The following KIF21B variants were observed in gnomAD, a reference collection of about 807,000 sequenced individuals.
KIF21B encodes kinesin family member 21B.
KIF21B carries 85 observed loss-of-function variants against 192.9 expected under a neutral mutation model. The observed-to-expected ratio is 0.44, with a 90% CI of 0.37 to 0.53. KIF21B has a LOEUF of 0.53. Ranked by LOEUF, KIF21B falls within the 20% of genes least tolerant of loss-of-function variation. The pLI, the probability that KIF21B is intolerant of heterozygous loss-of-function variation, is 0.00. For synonymous variants in KIF21B, 832 were observed against 884.6 expected (o/e 0.94, Z 1.05); for missense variants, 1,716 against 2,194.8 (o/e 0.78, Z 4.36).
Position 200,988,836 on chromosome 1 carries a change from G to A in KIF21B, c.3228C>T (p.Leu1076=), listed in dbSNP as rs1656482683. 1.2e-6 allele frequency: 2 copies of A among 1,613,324 alleles called. No homozygotes were observed. Among genetic ancestry groups the A allele is most frequent in the Non-Finnish European group, 1.7e-6 (2 of 1,179,754 alleles). The change falls in exon 22 of 35, where the codon CTC becomes CTT. Residue 1076 remains leucine (L), a synonymous_variant. Coordinates refer to ENST00000461742, the MANE Select transcript of KIF21B (RefSeq NM_001252102.2). ...CAGCCTTCTCACGCAGGGCGTCCAG[G>A]AGCAGATGGTTCTGGGAGGAGCCTG... ...DMAGSSQNHL[L]LDALREKAEA... is the part of the protein sequence containing the mutation.
At position 201,005,451 on chromosome 1, in the gene KIF21B, A is replaced by G. The variant is rs2102451694; in HGVS notation, c.598-9T>C. 6.2e-7 allele frequency: 1 copy of G among 1,602,830 alleles called. No homozygotes were observed. Among genetic ancestry groups the G allele is most frequent in the Non-Finnish European group, 8.5e-7 (1 of 1,173,122 alleles). Reference sequence around the variant, plus strand: ...TTCAGGCACTGGATCAGCTGGAAACAGAAGCAGAAGTGAGGGCTTGGGACT... The same window carrying G: ...TTCAGGCACTGGATCAGCTGGAAACGGAAGCAGAAGTGAGGGCTTGGGACT... On this transcript the variant is annotated splice_polypyrimidine_tract_variant and intron_variant, in intron 4 of 34. Transcript: ENST00000461742.
At chr1:201,021,105 T>C (rs1658795718) in intron 1 of KIF21B, among the ~76,000 whole-genome samples, 1 of 152,116 alleles carries the variant, frequency 6.6e-6, no homozygotes, top group Non-Finnish European at 1.5e-5. Flanking sequence ...GAGAAGTGAT[T>C]TCTGGGGGTG....
Position 201,018,300 on chromosome 1 carries a change from C to T in KIF21B, c.41+5043G>A, listed in dbSNP as rs114579122. On this transcript the variant is annotated intron_variant, in intron 1 of 34. Coordinates refer to ENST00000461742, the MANE Select transcript of KIF21B (RefSeq NM_001252102.2). ...GGAAGACACATGCCAGGGATGGCTG[C>T]AGTGATCTAAGAAAGGGAGAATGTG... Among the ~76,000 whole-genome samples the T allele has an allele frequency of 2.6e-3, 395 of 152,318 alleles. 2 individuals are homozygous for T. Among genetic ancestry groups the T allele is most frequent in the African/African-American group, 9.2e-3 (383 of 41,552 alleles).
chr1:201,005,656 G>C lies in KIF21B; in HGVS notation c.486C>G (p.Thr162=). The change falls in exon 4 of 35, where the codon ACC becomes ACG. Residue 162 remains threonine, a synonymous_variant. Coordinates refer to ENST00000461742, the MANE Select transcript of KIF21B (RefSeq NM_001252102.2). The part of the protein sequence containing the change: ...NEEILDLFDS[T]RDPDTRHRRS... ...TGCGGTGGCGGGTGTCAGGGTCACG[G>C]GTGCTGTCAAACAGGTCAAGGATCT... The C allele has an allele frequency of 6.2e-7, 1 of 1,614,176 alleles. No individual in the cohort carries two copies. Among genetic ancestry groups the C allele is most frequent in the Non-Finnish European group, 8.5e-7 (1 of 1,180,032 alleles).
At chr1:201,007,729 TACAC>T (rs921104804) in intron 3 of KIF21B, among the ~76,000 whole-genome samples, 11 of 123,472 alleles carry the variant, frequency 8.9e-5, no homozygotes, top group Admixed American at 7.4e-4. Context: ...TAGACACACA[TACAC>T]ACACACACAT....
chr1:201,005,951 T>C (rs1419558958), intron 3 of KIF21B, among the ~76,000 whole-genome samples: 1 of 152,218 alleles, frequency 6.6e-6, no homozygotes, highest in East Asian at 1.9e-4. Flanking sequence ...CAGCATGGGC[T>C]GAGGACCAAA....
In KIF21B at chr1:201,023,054, T is replaced by C. The variant is rs1266909913; in HGVS notation, c.41+289A>G. On this transcript the variant is annotated intron_variant, in intron 1 of 34. Transcript: ENST00000461742. This position sits in a 1 kb window ranked among gnomAD's most constrained non-coding sequence, Gnocchi z 5.9. Reference sequence around the variant, plus strand: ...CGCTCCGGCCTGGGCCAGAGCTGGGTGTGAAATACCGGATTTCCTTGTTTA... The same window carrying C: ...CGCTCCGGCCTGGGCCAGAGCTGGGCGTGAAATACCGGATTTCCTTGTTTA... Among the ~76,000 whole-genome samples the C allele has an allele frequency of 6.6e-6, 1 of 152,254 alleles. No homozygotes were observed. Among genetic ancestry groups the C allele is most frequent in the Admixed American group, 6.5e-5 (1 of 15,290 alleles).
intron 34 of KIF21B, chr1:200,974,250 G>A (rs1407567391): frequency 6.6e-7 from 1 of 1,506,762 alleles, no homozygotes; most frequent in Admixed American, 2.3e-5. Flanking sequence ...ATGGGAAGGG[G>A]AGGGGAGAGA....
At position 200,990,716 on chromosome 1, in the gene KIF21B, A is replaced by G; in HGVS notation, c.2695T>C (p.Phe899Leu). 1 of 1,614,038 alleles carries G rather than the reference A, an allele frequency of 6.2e-7. No homozygotes were observed. The highest frequency in any genetic ancestry group is 8.5e-7 in the Non-Finnish European group (1 of 1,179,982). The part of the protein sequence containing the change: ...VNGTRPARKK[F>L]QKKGASQSFS... ...CTCTGGCTGGCCCCCTTCTTCTGGA[A>G]CTTCTTTCTGGGAGACATAGGCAAA... The change falls in exon 19 of 35, where the codon TTC becomes CTC. Residue 899 changes from phenylalanine to leucine, a missense_variant. Physicochemically the swap from Phe to Leu is conservative, Grantham distance 22. Coordinates refer to ENST00000461742, the MANE Select transcript of KIF21B (RefSeq NM_001252102.2). The surrounding 1 kb of genome is among the most constrained non-coding windows in gnomAD (Gnocchi z 5.4).
At chr1:201,021,261 A>G (rs1658803337) in intron 1 of KIF21B, among the ~76,000 whole-genome samples, 1 of 152,200 alleles carries the variant, frequency 6.6e-6, no homozygotes, top group African/African-American at 2.4e-5. Flanking sequence ...GGTTCTGTCC[A>G]GGCATTGTCT....
chr1:200,974,187 G>T (rs764362831), intron 34 of KIF21B: 3 of 1,554,378 alleles, frequency 1.9e-6, no homozygotes, highest in Non-Finnish European at 2.6e-6. Flanking sequence ...AACTTTACCC[G>T]GCAGTCACTG....
chr1:200,985,942 T>G (rs1656274712), intron 26 of KIF21B, among the ~76,000 whole-genome samples: 1 of 150,552 alleles, frequency 6.6e-6, no homozygotes. Flanking sequence ...ACCTCCCAGG[T>G]TCATGCAATT....
chr1:200,978,860 AT>A (rs557683404), intron 30 of KIF21B, among the ~76,000 whole-genome samples: 6 of 149,808 alleles, frequency 4.0e-5, no homozygotes, highest in South Asian at 2.1e-4. Flanking sequence ...CTAACTAAAA[AT>A]TTTTTTTTTG....
intron 15 of KIF21B, among the ~76,000 whole-genome samples, chr1:200,993,736 C>A (rs777975456): frequency 2.2e-5 from 3 of 137,856 alleles, no homozygotes; most frequent in South Asian, 2.4e-4. Flanking sequence ...GGCAACAGAG[C>A]AAGACTCTGC....
Position 200,993,453 on chromosome 1 carries a change from G to C in KIF21B, c.2278-1064C>G, listed in dbSNP as rs566258177. On this transcript the variant is annotated intron_variant, in intron 15 of 34. Transcript: ENST00000461742. ...TCCTGCCCTCAAAACAGTCAAGAAAGGAAACAGGCCGAGCGCGGTGGCTCA... is the reference window on the plus strand; with the variant it reads ...TCCTGCCCTCAAAACAGTCAAGAAACGAAACAGGCCGAGCGCGGTGGCTCA... 3.3e-5 allele frequency among the ~76,000 whole-genome samples: 5 copies of C among 152,300 alleles called. No individual in the cohort carries two copies. In the South Asian group the frequency reaches 8.3e-4, roughly 25 times the overall value.
rs1658557404 is a variant in KIF21B at position 201,017,165 on chromosome 1, G to A, written c.41+6178C>T. On this transcript the variant is annotated intron_variant, in intron 1 of 34. Transcript: ENST00000461742. The surrounding 1 kb of genome is among the most constrained non-coding windows in gnomAD (Gnocchi z 4.1). ...GCACCTTGAGAGTCCTGTTGTCTAT[G>A]GCCCTCCAGGGCATCAGGATCTCAG... Among the ~76,000 whole-genome samples the A allele has an allele frequency of 6.6e-6, 1 of 152,186 alleles. No individual in the cohort carries two copies. Among genetic ancestry groups the A allele is most frequent in the Non-Finnish European group, 1.5e-5 (1 of 68,028 alleles).
In KIF21B at chr1:201,000,911, T is replaced by C; in HGVS notation, c.1403-131A>G. ...TCACCTGAGGCTGGGAGTTCGAGAC[T>C]AGCCTGACCAACATGGAGAAACCCC... is the stretch of plus-strand genomic sequence containing the variant. On this transcript the variant is annotated intron_variant, in intron 9 of 34. Coordinates refer to ENST00000461742, the MANE Select transcript of KIF21B (RefSeq NM_001252102.2). This position sits in a 1 kb window ranked among gnomAD's most constrained non-coding sequence, Gnocchi z 6.0. 1 of 824,388 alleles carries C rather than the reference T, an allele frequency of 1.2e-6. No homozygotes were observed. The highest frequency in any genetic ancestry group is 1.4e-5 in the South Asian group (1 of 70,348). The allele number at this position is 824,388 out of a possible 1,614,324, so 51.1% of individuals were successfully genotyped here.
intron 29 of KIF21B, 100 bp from the exon 30 acceptor site, chr1:200,979,815 A>G: frequency 1.0e-6 from 1 of 980,852 alleles, no homozygotes; most frequent in Non-Finnish European, 1.4e-6. Context: ...GGGGAAAGGG[A>G]TCCACAGGGC....
At chr1:201,016,007 A>C (rs1004954900) in intron 1 of KIF21B, among the ~76,000 whole-genome samples, 1 of 152,202 alleles carries the variant, frequency 6.6e-6, no homozygotes, top group African/African-American at 2.4e-5. Flanking sequence ...TTAAGAGCCT[A>C]TGTGCCAAGC....
Sources: allele counts gnomAD v4.1 joint callset (sites outside exome capture counted in the v4.1 genomes callset), GRCh38; gene constraint gnomAD v4.1.1; non-coding constraint Gnocchi (gnomAD v3.1); transcripts MANE v1.5; gene names NCBI Gene and HGNC (gene_info 2026-07-23, HGNC 2026-07-21).